The following ABCC3 variants were observed in gnomAD, a reference collection of about 807,000 sequenced individuals.
ABCC3 encodes ATP-binding cassette sub-family C member 3.
ABCC3 carries 121 observed loss-of-function variants against 165.3 expected under a neutral mutation model. The observed-to-expected ratio is 0.73, with a 90% confidence interval of 0.63 to 0.85. The LOEUF is 0.85. Among genes scored for constraint, ABCC3 ranks in the 40% least tolerant of loss-of-function variants. ABCC3 has a pLI of 0.00. For missense variants in ABCC3, 1,869 were observed against 1,964.1 expected, an observed-to-expected ratio of 0.95 and a Z score of 0.92; for synonymous variants, 733 against 810.1, an observed-to-expected ratio of 0.90 and a Z score of 1.62.
intron 1 of ABCC3, among the ~76,000 whole-genome samples, chr17:50,639,585 C>T (rs1166421041): frequency 6.6e-6 from 1 of 152,108 alleles, no homozygotes; most frequent in South Asian, 2.1e-4. Context: ...GGGGCAGGAT[C>T]CCTGGGGAGT....
At chr17:50,635,308 C>T (rs1316796888) in intron 1 of ABCC3, 7 of 626,966 alleles carry the variant, frequency 1.1e-5, no homozygotes, top group African/African-American at 5.4e-5. Flanking sequence ...CCAGCCCCTC[C>T]GTCGGGTGCG....
At chr17:50,688,981 T>C (rs1968072248) in intron 30 of ABCC3, among the ~76,000 whole-genome samples, 1 of 150,968 alleles carries the variant, frequency 6.6e-6, no homozygotes, top group Non-Finnish European at 1.5e-5. Context: ...GGCAGGCAGA[T>C]CATTTGAGGT....
In ABCC3 at chr17:50,687,668, G is replaced by A. The variant is rs1186610399; in HGVS notation, c.4413G>A (p.Gln1471=). ...TCATCCAGGCTACCATCCGCACCCA[G>A]TTTGATACCTGCACTGTCCTGACCA... ...DNLIQATIRT[Q]FDTCTVLTIA... Residue 1471 remains glutamine, a synonymous_variant, in exon 30 of 31, where the codon CAG becomes CAA. Coordinates refer to ENST00000285238, the MANE Select transcript of ABCC3 (RefSeq NM_003786.4). 6.2e-7 allele frequency: 1 copy of A among 1,614,250 alleles called. No homozygotes were observed. The highest frequency in any genetic ancestry group is 8.5e-7 in the Non-Finnish European group (1 of 1,180,048).
intron 30 of ABCC3, among the ~76,000 whole-genome samples, chr17:50,690,103 C>T (rs1968092818): frequency 6.6e-6 from 1 of 152,058 alleles, no homozygotes; most frequent in African/African-American, 2.4e-5. Flanking sequence ...GGAGGTGGGG[C>T]AATAAGGTAG....
Position 50,669,517 on chromosome 17 carries a change from A to G in ABCC3, c.2230A>G (p.Ile744Val), listed in dbSNP as rs762912128. 4 of 1,614,158 alleles carry G rather than the reference A, an allele frequency of 2.5e-6. No homozygotes were observed. Among genetic ancestry groups the G allele is most frequent in the Non-Finnish European group, 3.4e-6 (4 of 1,179,996 alleles). The change falls in exon 17 of 31, where the codon ATT becomes GTT. Residue 744 changes from isoleucine (I) to valine (V), a missense_variant. Physicochemically the swap from Ile to Val is conservative, Grantham distance 29. Coordinates refer to ENST00000285238, the MANE Select transcript of ABCC3 (RefSeq NM_003786.4). Reference protein sequence around the residue: ...EMLPGGDQTEIGEKGINLSGG... With the variant: ...EMLPGGDQTEVGEKGINLSGG... ...GCTGCCTGGTGGGGATCAGACAGAGATTGGAGAGAAGGTACAGAGTCCTCT... is the reference window on the plus strand; with the variant it reads ...GCTGCCTGGTGGGGATCAGACAGAGGTTGGAGAGAAGGTACAGAGTCCTCT...
Position 50,667,973 on chromosome 17 carries a change from C to T in ABCC3, c.1746C>T (p.Leu582=). The stretch of plus-strand genomic sequence containing the variant: ...TGTTTAATATCTTAAGACTTCCCCT[C>T]AACATGCTGCCCCAGTTAATCAGCA... ...VSLFNILRLP[L]NMLPQLISNL... The change falls in exon 13 of 31, where the codon CTC becomes CTT. Residue 582 remains leucine (L), a synonymous_variant. Transcript: ENST00000285238. The T allele has an allele frequency of 3.7e-6, 6 of 1,614,202 alleles. No homozygotes were observed. Among genetic ancestry groups the T allele is most frequent in the Non-Finnish European group, 5.1e-6 (6 of 1,180,040 alleles).
rs140401440 is a variant in ABCC3, at chr17:50,639,099, T to A, written c.45+4118T>A. 2.3e-3 allele frequency among the ~76,000 whole-genome samples: 352 copies of A among 152,288 alleles called. 1 individual carries two copies. Among genetic ancestry groups the A allele is most frequent in the Non-Finnish European group, 4.4e-3 (299 of 68,006 alleles). On this transcript the variant is annotated intron_variant, in intron 1 of 30. Transcript: ENST00000285238. ...ACAAATGAAGACAGTGTCCTGCACA[T>A]CCATGGGGAAGCTGAGTGGGAGGTA...
chr17:50,656,569 C>G (rs1967252808), intron 2 of ABCC3, 133 bp from the exon 3 acceptor site: 1 of 1,265,966 alleles, frequency 7.9e-7, no homozygotes, highest in Non-Finnish European at 1.1e-6. Context: ...CTGGTCAGCT[C>G]CATTCCCAGA....
intron 26 of ABCC3, among the ~76,000 whole-genome samples, chr17:50,681,183 C>T (rs553887567): frequency 1.3e-5 from 2 of 152,272 alleles, no homozygotes; most frequent in South Asian, 2.1e-4. Context: ...CATGTTCTCA[C>T]GTTCAGAAAG....
At chr17:50,637,862 G>T (rs569715403) in intron 1 of ABCC3, among the ~76,000 whole-genome samples, 1 of 152,320 alleles carries the variant, frequency 6.6e-6, no homozygotes, top group South Asian at 2.1e-4. Flanking sequence ...AGCTGGTAGG[G>T]CTGTCGGGCC....
chr17:50,669,005 C>T (rs766239798), intron 15 of ABCC3, 86 bp downstream of exon 15: 14 of 1,595,574 alleles, frequency 8.8e-6, no homozygotes, highest in Non-Finnish European at 1.2e-5. Flanking sequence ...AGCCTTTGAC[C>T]AAGAATGCAG....
intron 26 of ABCC3, among the ~76,000 whole-genome samples, 193 bp downstream of exon 26, chr17:50,680,092 G>A (rs574017785): frequency 5.9e-5 from 9 of 152,260 alleles, no homozygotes; most frequent in East Asian, 5.8e-4. Context: ...TGAGCAAGAC[G>A]GTGTTTGCCC....
chr17:50,658,641 T>C, intron 6 of ABCC3, 145 bp downstream of exon 6: 1 of 911,738 alleles, frequency 1.1e-6, no homozygotes, highest in Non-Finnish European at 1.7e-6. Flanking sequence ...CAGATGAGGG[T>C]AGGGAAGTGG....
intron 7 of ABCC3, among the ~76,000 whole-genome samples, chr17:50,659,670 C>T (rs1967334629): frequency 6.6e-6 from 1 of 150,626 alleles, no homozygotes; most frequent in Non-Finnish European, 1.5e-5. Flanking sequence ...AGGGTAGGTT[C>T]AAGTGTCCCT....
intron 1 of ABCC3, among the ~76,000 whole-genome samples, chr17:50,652,514 T>C (rs147444417): frequency 4.5e-4 from 69 of 152,372 alleles, no homozygotes; most frequent in Middle Eastern, 3.4e-3. Context: ...ATTGCTTTTG[T>C]GGCATTTTTG....
At chr17:50,659,508 G>C in intron 7 of ABCC3, 140 bp downstream of exon 7, 4 of 1,054,566 alleles carry the variant, frequency 3.8e-6, no homozygotes, top group Middle Eastern at 3.3e-4. Context: ...GCAGCCTCGG[G>C]ACCATTCTAT....
chr17:50,671,677 A>G (rs1403946883), intron 17 of ABCC3, among the ~76,000 whole-genome samples: 1 of 135,672 alleles, frequency 7.4e-6, no homozygotes, highest in Non-Finnish European at 1.6e-5. Flanking sequence ...CGAGCATGCT[A>G]GCTCAGGTCT....
At chr17:50,671,702 CTTTTTTTT>C (rs386386244) in intron 17 of ABCC3, among the ~76,000 whole-genome samples, 15 of 56,396 alleles carry the variant, frequency 2.7e-4, no homozygotes, top group East Asian at 5.9e-4. Flanking sequence ...TCCTTCCTTC[CTTTTTTTT>C]TTTTTTTTTT....
chr17:50,667,964 A>C lies in ABCC3; in HGVS notation c.1737A>C (p.Arg579Ser), dbSNP rs747678686. 3 of 1,614,044 alleles carry C rather than the reference A, an allele frequency of 1.9e-6. No individual in the cohort carries two copies. Among genetic ancestry groups the C allele is most frequent in the Middle Eastern group, 1.7e-4 (1 of 6,060 alleles). The change falls in exon 13 of 31, where the codon AGA becomes AGC. Residue 579 changes from arginine to serine, a missense_variant. Physicochemically the swap from Arg to Ser is moderately radical, Grantham distance 110. Coordinates refer to ENST00000285238, the MANE Select transcript of ABCC3 (RefSeq NM_003786.4). ...CTGTGTCCTTGTTTAATATCTTAAG[A>C]CTTCCCCTCAACATGCTGCCCCAGT... ...FVSVSLFNIL[R>S]LPLNMLPQLI... is the part of the protein sequence containing the mutation.
Sources: allele counts gnomAD v4.1 joint callset (sites outside exome capture counted in the v4.1 genomes callset), GRCh38; gene constraint gnomAD v4.1.1; transcripts MANE v1.5; gene names NCBI Gene and HGNC (gene_info 2026-07-23, HGNC 2026-07-21).